The following COPB2 variants were observed in gnomAD, a reference collection of about 807,000 sequenced individuals.
COPB2 encodes coatomer subunit beta'.
A neutral mutation model predicts 120.8 loss-of-function variants in COPB2; 16 were observed. The observed-to-expected ratio is 0.13, with a 90% confidence interval of 0.09 to 0.20. The LOEUF (loss-of-function observed/expected upper bound fraction) is 0.20, where lower values mean the gene tolerates loss of function less well. Among genes scored for constraint, COPB2 ranks in the 10% least tolerant of loss-of-function variants. The pLI is 1.00. For synonymous variants in COPB2, 332 were observed against 366.3 expected (o/e 0.91, Z 1.07); for missense variants, 794 against 1,076.5 (o/e 0.74, Z 3.67).
chr3:139,358,296 A>T (rs1248111446), intron 20 of COPB2, 25 bp from the exon 21 acceptor site: 1 of 1,593,074 alleles, frequency 6.3e-7, no homozygotes, highest in Non-Finnish European at 8.6e-7. Context: ...GAAGATATAT[A>T]TGAAGACAAG....
chr3:139,379,224 C>G, intron 3 of COPB2, 51 bp from the exon 4 acceptor site: 1 of 1,559,986 alleles, frequency 6.4e-7, no homozygotes, highest in Non-Finnish European at 8.7e-7. Context: ...GTAAATTATA[C>G]AAAAAAACTA....
At chr3:139,364,102 C>T (rs1010017864) in intron 15 of COPB2, among the ~76,000 whole-genome samples, 1 of 151,900 alleles carries the variant, frequency 6.6e-6, no homozygotes, top group Non-Finnish European at 1.5e-5. Flanking sequence ...GAAACAGTAA[C>T]AAAAGTTTGG....
chr3:139,358,115 A>T, intron 21 of COPB2, 85 bp downstream of exon 21: 1 of 1,285,384 alleles, frequency 7.8e-7, no homozygotes, highest in South Asian at 1.2e-5. Flanking sequence ...GATGTCACTT[A>T]AACCACAGAG....
chr3:139,369,202 G>C, intron 12 of COPB2, 59 bp downstream of exon 12: 2 of 1,364,060 alleles, frequency 1.5e-6, no homozygotes, highest in African/African-American at 1.5e-5. Context: ...TGGCCTTAGG[G>C]ACCCAGAACT....
chr3:139,364,012 T>A (rs189186140), intron 15 of COPB2, among the ~76,000 whole-genome samples: 1 of 151,480 alleles, frequency 6.6e-6, no homozygotes, highest in Admixed American at 6.6e-5. Context: ...TTTCTGCTAA[T>A]TCCCTACTAC....
chr3:139,373,208 C>T lies in COPB2; in HGVS notation c.1094+5G>A, dbSNP rs1941653331. On this transcript the variant is annotated splice_donor_5th_base_variant and intron_variant, in intron 9 of 21. Transcript: ENST00000333188. ...AGCTGAGGGACAATTTTGGTGATGGCTTACCGCCCATTAGGATTGTGCTGA... is the reference window on the plus strand; with the variant it reads ...AGCTGAGGGACAATTTTGGTGATGGTTTACCGCCCATTAGGATTGTGCTGA... 6.2e-7 allele frequency: 1 copy of T among 1,613,804 alleles called. No homozygotes were observed.
Position 139,389,634 on chromosome 3 carries a change from C to A in COPB2, c.-84G>T. On this transcript the variant is annotated 5_prime_UTR_variant, in exon 1 of 22. Transcript: ENST00000333188. ...ATAAACCCACCGATCCACTGACCGT[C>A]AGACTGACTGACGTGGAACTTCCGG... 1 of 1,386,090 alleles carries A rather than the reference C, an allele frequency of 7.2e-7. No individual in the cohort carries two copies. The highest frequency in any genetic ancestry group is 1.3e-5 in the South Asian group (1 of 75,806). The allele number at this position is 1,386,090 out of a possible 1,614,324, so 85.9% of individuals were successfully genotyped here.
intron 9 of COPB2, 101 bp from the exon 10 acceptor site, chr3:139,371,934 A>T: frequency 1.0e-5 from 8 of 796,690 alleles, no homozygotes; most frequent in Non-Finnish European, 1.4e-5. Flanking sequence ...TCTAATAACA[A>T]ATGTTATTTA....
intron 5 of COPB2, 125 bp from the exon 6 acceptor site, chr3:139,375,739 T>C: frequency 1.7e-6 from 2 of 1,173,178 alleles, no homozygotes; most frequent in Non-Finnish European, 2.3e-6. Context: ...TCAAATTTTA[T>C]TTTTTATCCT....
intron 1 of COPB2, among the ~76,000 whole-genome samples, chr3:139,385,710 C>T (rs1444157615): frequency 2.0e-5 from 3 of 152,180 alleles, no homozygotes; most frequent in African/African-American, 7.2e-5. Flanking sequence ...CCAAATTCTT[C>T]CTTTGAATTA....
chr3:139,359,163 C>G lies in COPB2; in HGVS notation c.2319G>C (p.Trp773Cys). The change falls in exon 19 of 22, where the codon TGG becomes TGC. Residue 773 changes from tryptophan (W) to cysteine (C), a missense_variant. Physicochemically the swap from Trp to Cys is radical, Grantham distance 215. Around this residue, in one of 3 missense-constraint regions of COPB2, gnomAD observed 178 missense variants for 183.2 expected, o/e 0.97. Coordinates refer to ENST00000333188, the MANE Select transcript of COPB2 (RefSeq NM_004766.3). ...PSQVSRVVKL[W>C]RENLSKVNQK... Reference sequence around the variant, plus strand: ...GATTGACTTTTGAGAGATTCTCTCTCCAGAGTTTCACTACCCTATTATAGA... The same window carrying G: ...GATTGACTTTTGAGAGATTCTCTCTGCAGAGTTTCACTACCCTATTATAGA... 1.2e-6 allele frequency: 2 copies of G among 1,613,518 alleles called. No homozygotes were observed. Among genetic ancestry groups the G allele is most frequent in the Non-Finnish European group, 1.7e-6 (2 of 1,179,838 alleles).
At chr3:139,369,408 A>G (rs370127692) in intron 11 of COPB2, 41 bp from the exon 12 acceptor site, 70 of 1,605,566 alleles carry the variant, frequency 4.4e-5, no homozygotes, top group Non-Finnish European at 5.7e-5. Flanking sequence ...GGCATTTTTG[A>G]GCCATTACAA....
intron 9 of COPB2, 87 bp from the exon 10 acceptor site, chr3:139,371,920 G>T: frequency 3.3e-6 from 3 of 899,568 alleles, no homozygotes; most frequent in East Asian, 2.5e-5. Context: ...TATGGTAAAA[G>T]AATTCTAATA....
chr3:139,383,468 A>T, intron 1 of COPB2, 33 bp from the exon 2 acceptor site: 1 of 1,494,820 alleles, frequency 6.7e-7, no homozygotes, highest in Non-Finnish European at 8.9e-7. Context: ...TTAAATTGCT[A>T]AGCCAAATAA....
At position 139,389,640 on chromosome 3, in the gene COPB2, G is replaced by T. The variant is rs1038534363; in HGVS notation, c.-90C>A. The stretch of plus-strand genomic sequence containing the variant: ...CCACCGATCCACTGACCGTCAGACT[G>T]ACTGACGTGGAACTTCCGGGAGCCG... On this transcript the variant is annotated 5_prime_UTR_variant, in exon 1 of 22. Coordinates refer to ENST00000333188, the MANE Select transcript of COPB2 (RefSeq NM_004766.3). The T allele has an allele frequency of 3.0e-6, 4 of 1,342,372 alleles. No homozygotes were observed. Among genetic ancestry groups the T allele is most frequent in the Admixed American group, 4.3e-5 (2 of 46,150 alleles). 83.2% of individuals were successfully genotyped at this position (1,342,372 alleles called of 1,614,324 possible). A position where few individuals can be genotyped will look rare whatever the true frequency, so the allele number is the denominator to read the frequency against.
At chr3:139,372,407 A>T (rs1941637948) in intron 9 of COPB2, among the ~76,000 whole-genome samples, 1 of 152,238 alleles carries the variant, frequency 6.6e-6, no homozygotes, top group Non-Finnish European at 1.5e-5. Context: ...TAAGACAACT[A>T]TCTTTAAAGT....
rs564674774 is a variant in COPB2, at chr3:139,358,659, C to G, written c.2553+85G>C. 8 of 938,914 alleles carry G rather than the reference C, an allele frequency of 8.5e-6. No individual in the cohort carries two copies. In the Admixed American group the frequency reaches 1.1e-4, roughly 13 times the overall value. The allele number at this position is 938,914 out of a possible 1,614,324, so 58.2% of individuals were successfully genotyped here. On this transcript the variant is annotated intron_variant, in intron 20 of 21. Coordinates refer to ENST00000333188, the MANE Select transcript of COPB2 (RefSeq NM_004766.3). ...TCGCGCCACTGCACTCCAGCCAGGG[C>G]AATGGAGCGAAACTCTGTCTCAAAA...
Position 139,379,404 on chromosome 3 carries a change from C to A in COPB2, c.204G>T (p.Arg68Ser). ...LPVRAAKFVA[R>S]KNWVVTGADD... ...CCGCTCCTGTCACAACCCAATTCTT[C>A]CTTGCAACAAACTTTGCAGCTCGAA... is the stretch of plus-strand genomic sequence containing the variant. Residue 68 changes from arginine to serine, a missense_variant, in exon 3 of 22, where the codon AGG becomes AGT. By Grantham distance (110) the Arg-to-Ser change is moderately radical. This residue lies in a region of COPB2 where 610 missense variants were observed against 866.7 expected (regional missense o/e 0.70). Coordinates refer to ENST00000333188, the MANE Select transcript of COPB2 (RefSeq NM_004766.3). 1 of 1,614,120 alleles carries A rather than the reference C, an allele frequency of 6.2e-7. No individual in the cohort carries two copies. Among genetic ancestry groups the A allele is most frequent in the Non-Finnish European group, 8.5e-7 (1 of 1,179,990 alleles).
intron 13 of COPB2, 25 bp from the exon 14 acceptor site, chr3:139,367,170 T>C: frequency 1.9e-6 from 3 of 1,608,958 alleles, no homozygotes; most frequent in Non-Finnish European, 2.5e-6. Flanking sequence ...ATAAAGACAA[T>C]TACTTTATCC....
Sources: gnomAD v4.1 joint callset for allele counts (sites outside exome capture counted in the v4.1 genomes callset) on GRCh38, gnomAD v4.1.1 for gene constraint, gnomAD v4.1.1 regional missense constraint, MANE v1.5 for transcripts, NCBI Gene and HGNC (gene_info 2026-07-23, HGNC 2026-07-21) for gene names.